Variants in DRAM2 observed in about 807,000 individuals in gnomAD.
The protein encoded by DRAM2 is DNA damage-regulated autophagy modulator protein 2.
A neutral mutation model predicts 33.5 loss-of-function variants in DRAM2; 26 were observed. The observed-to-expected ratio is 0.78, with a 90% CI of 0.57 to 1.08. The LOEUF (loss-of-function observed/expected upper bound fraction) is 1.08. DRAM2 is among the 50% of genes least tolerant of loss of function. The pLI is 0.00. For synonymous variants in DRAM2, 98 were observed against 109.5 expected, an observed-to-expected ratio of 0.89 and a Z score of 0.66; for missense variants, 311 against 318.1, an observed-to-expected ratio of 0.98 and a Z score of 0.17.
chr1:111,130,270 C>T (rs1651791236), intron 4 of DRAM2, among the ~76,000 whole-genome samples: 1 of 152,172 alleles, frequency 6.6e-6, no homozygotes, highest in Non-Finnish European at 1.5e-5. Flanking sequence ...TTGGTTCCAA[C>T]ACTGAGTTAT....
chr1:111,136,215 T>C (rs1009984059), intron 3 of DRAM2, among the ~76,000 whole-genome samples: 4 of 152,164 alleles, frequency 2.6e-5, no homozygotes, highest in African/African-American at 9.7e-5. Flanking sequence ...TTTAATAAAA[T>C]TGTGTGAACT....
intron 4 of DRAM2, chr1:111,128,134 C>A (rs1045806872): frequency 9.8e-6 from 1 of 102,304 alleles, no homozygotes; most frequent in Non-Finnish European, 2.0e-5. Context: ...TTCTTCGTTT[C>A]TTTTTTTTTT....
intron 4 of DRAM2, among the ~76,000 whole-genome samples, chr1:111,126,701 A>G (rs889717291): frequency 2.0e-5 from 3 of 152,118 alleles, no homozygotes; most frequent in Non-Finnish European, 2.9e-5. Flanking sequence ...TATTCAATTA[A>G]CGCCTATTCA....
At position 111,118,250 on chromosome 1, in the gene DRAM2, C is replaced by T. The variant is rs772943514; in HGVS notation, c.711G>A (p.Val237=). 1.9e-6 allele frequency: 3 copies of T among 1,611,700 alleles called. No individual in the cohort carries two copies. In the South Asian group the frequency reaches 3.3e-5, roughly 18 times the overall value. ...IRDFQKISLR[V]EANLHGLTLY... is the part of the protein sequence containing the mutation. ...GGGTTAATCCATGTAAATTGGCTTC[C>T]ACCCGTAAAGAAATTTTCTGGAACA... The change falls in exon 10 of 10, where the codon GTG becomes GTA. Residue 237 remains valine, a synonymous_variant. Coordinates refer to ENST00000484310, the MANE Select transcript of DRAM2 (RefSeq NM_001349884.2).
Position 111,118,853 on chromosome 1 carries a change from C to T in DRAM2, c.645G>A (p.Met215Ile). The change falls in exon 9 of 10, where the codon ATG becomes ATA. Residue 215 changes from methionine (M) to isoleucine (I), a missense_variant. Transcript: ENST00000484310. ...GGAAAAAACCAAAGAAGGAAAATGA[C>T]ATAGACCATTCTGCTGCAGTAGTGA... The part of the protein sequence containing the change: ...HMITTAAEWS[M>I]SFSFFGFFLT... The T allele has an allele frequency of 1.2e-6, 2 of 1,610,276 alleles. No individual in the cohort carries two copies. Among genetic ancestry groups the T allele is most frequent in the African/African-American group, 1.3e-5 (1 of 74,778 alleles).
intron 7 of DRAM2, 143 bp from the exon 8 acceptor site, chr1:111,120,102 T>A: frequency 1.4e-6 from 1 of 705,456 alleles, no homozygotes; most frequent in Non-Finnish European, 2.3e-6. Context: ...ACAGCAGTGG[T>A]ACTGTAAAAC....
chr1:111,137,280 A>T (rs973640884), intron 3 of DRAM2, among the ~76,000 whole-genome samples: 6 of 149,250 alleles, frequency 4.0e-5, no homozygotes, highest in African/African-American at 1.5e-4. Context: ...AAAAATTTCC[A>T]TGATTGTGGA....
At chr1:111,120,784 T>A in intron 6 of DRAM2, 91 bp from the exon 7 acceptor site, 1 of 1,186,130 alleles carries the variant, frequency 8.4e-7, no homozygotes, top group Non-Finnish European at 1.1e-6. Flanking sequence ...GAGATTTCAA[T>A]AGGACATTCA....
At chr1:111,129,848 A>G (rs182885107) in intron 4 of DRAM2, among the ~76,000 whole-genome samples, 1 of 152,330 alleles carries the variant, frequency 6.6e-6, no homozygotes, top group East Asian at 1.9e-4. Context: ...AGAAAAAAAG[A>G]GAAAGAGTTT....
chr1:111,120,087 G>A, intron 7 of DRAM2, 128 bp from the exon 8 acceptor site: 1 of 785,288 alleles, frequency 1.3e-6, no homozygotes, highest in South Asian at 1.7e-5. Context: ...AAGACTTAAT[G>A]TTACACAGCA....
rs1649416775 is a variant in DRAM2, at chr1:111,118,809, A to C, written c.689T>G (p.Phe230Cys). The change falls in exon 9 of 10, where the codon TTT becomes TGT. Residue 230 changes from phenylalanine to cysteine, a missense_variant. Phe to Cys is a radical substitution (Grantham distance 205). Coordinates refer to ENST00000484310, the MANE Select transcript of DRAM2 (RefSeq NM_001349884.2). ...TCTAATATTGTGCCTTCTTACCTGA[A>C]AATCACGAATGTAAGTCAGGAAAAA... ...FGFFLTYIRD[F>C]QKISLRVEAN... 3.1e-6 allele frequency: 5 copies of C among 1,605,180 alleles called. No individual in the cohort carries two copies. Among genetic ancestry groups the C allele is most frequent in the Non-Finnish European group, 3.4e-6 (4 of 1,174,156 alleles).
At position 111,124,822 on chromosome 1, in the gene DRAM2, C is replaced by T. The variant is rs749399830; in HGVS notation, c.259G>A (p.Val87Ile). 2.5e-6 allele frequency: 4 copies of T among 1,613,406 alleles called. 1 individual carries two copies. The highest frequency in any genetic ancestry group is 2.2e-5 in the South Asian group (2 of 91,066). Residue 87 changes from valine (V) to isoleucine (I), a missense_variant, in exon 6 of 10, where the codon GTT becomes ATT. Coordinates refer to ENST00000484310, the MANE Select transcript of DRAM2 (RefSeq NM_001349884.2). The part of the protein sequence containing the change: ...QVHALSPEEN[V>I]IIKLNKAGLV... ...CCAGCCTTGTTTAATTTGATGATAACGTTCTCTTCAGGACTCAGAGCATGA... is the reference window on the plus strand; with the variant it reads ...CCAGCCTTGTTTAATTTGATGATAATGTTCTCTTCAGGACTCAGAGCATGA...
chr1:111,139,765 G>A (rs1254249001), intron 1 of DRAM2, 99 bp from the exon 2 acceptor site: 2 of 152,478 alleles, frequency 1.3e-5, no homozygotes, highest in Admixed American at 1.3e-4. Flanking sequence ...CAGAAAGGTA[G>A]GGCACGGGGA....
In DRAM2 at chr1:111,120,649, G is replaced by C; in HGVS notation, c.384C>G (p.Thr128=). 6.2e-7 allele frequency: 1 copy of C among 1,603,184 alleles called. No individual in the cohort carries two copies. Among genetic ancestry groups the C allele is most frequent in the South Asian group, 1.1e-5 (1 of 89,524 alleles). The change falls in exon 7 of 10, where the codon ACC becomes ACG. Residue 128 remains threonine, a synonymous_variant. Coordinates refer to ENST00000484310, the MANE Select transcript of DRAM2 (RefSeq NM_001349884.2). The part of the protein sequence containing the change: ...FAAHVSGAVL[T]FGMGSLYMFV... The stretch of plus-strand genomic sequence containing the variant: ...ACATATATAATGAGCCCATACCAAA[G>C]GTAAGCACAGCTCCACTTACATGTG...
intron 7 of DRAM2, among the ~76,000 whole-genome samples, chr1:111,120,294 A>C (rs1649723435): frequency 7.1e-6 from 1 of 139,948 alleles, no homozygotes; most frequent in Admixed American, 7.7e-5. Context: ...TTTTGTTCCT[A>C]GCTCAATTAC....
rs115134763 is a variant in DRAM2 at position 111,137,359 on chromosome 1, A to C, written c.-15+164T>G. The stretch of plus-strand genomic sequence containing the variant: ...ACTGATAGCACAAGCAAAGAACCTA[A>C]CAGATTGCTGGTGCATAATAAATGG... On this transcript the variant is annotated intron_variant, in intron 3 of 9. Coordinates refer to ENST00000484310, the MANE Select transcript of DRAM2 (RefSeq NM_001349884.2). Among the ~76,000 whole-genome samples, 1,219 of 152,304 alleles carry C rather than the reference A, an allele frequency of 8.0e-3. 16 individuals are homozygous for C. Among genetic ancestry groups the C allele is most frequent in the African/African-American group, 0.028 (1,169 of 41,562 alleles).
intron 3 of DRAM2, among the ~76,000 whole-genome samples, chr1:111,133,473 C>A (rs532028692): frequency 6.6e-6 from 1 of 152,152 alleles, no homozygotes; most frequent in Non-Finnish European, 1.5e-5. Flanking sequence ...CTACCATGCC[C>A]GGTCTGTCTT....
intron 8 of DRAM2, among the ~76,000 whole-genome samples, chr1:111,119,233 G>T (rs1317493990): frequency 6.6e-6 from 1 of 151,948 alleles, no homozygotes; most frequent in Non-Finnish European, 1.5e-5. Flanking sequence ...GTTTAACAAT[G>T]CTCAGAATAA....
intron 3 of DRAM2, among the ~76,000 whole-genome samples, chr1:111,134,623 A>T (rs1309107560): frequency 2.6e-5 from 4 of 151,690 alleles, no homozygotes; most frequent in Admixed American, 2.0e-4. Flanking sequence ...AAGAGTTCTT[A>T]ATTTACATAA....
Sources: allele counts gnomAD v4.1 joint callset (sites outside exome capture counted in the v4.1 genomes callset), GRCh38; gene constraint gnomAD v4.1.1; transcripts MANE v1.5; gene names NCBI Gene and HGNC (gene_info 2026-07-23, HGNC 2026-07-21).